Variants in EXOC4 observed in about 807,000 individuals in gnomAD.
EXOC4 encodes the protein exocyst complex component 4.
A neutral mutation model predicts 107.2 loss-of-function variants in EXOC4; 71 were observed. The ratio of observed to expected loss-of-function variants is 0.66; its 90% CI spans 0.55 to 0.81. The LOEUF is 0.81. EXOC4 is among the 30% of genes least tolerant of loss of function. EXOC4 has a pLI of 0.00. For synonymous variants in EXOC4, 456 were observed against 441.2 expected, an observed-to-expected ratio of 1.03 and a Z score of -0.42; for missense variants, 1,108 against 1,189.6, an observed-to-expected ratio of 0.93 and a Z score of 1.01.
At chr7:133,254,456 T>C (rs1794967053) in intron 1 of EXOC4, among the ~76,000 whole-genome samples, 1 of 152,194 alleles carries the variant, frequency 6.6e-6, no homozygotes, top group African/African-American at 2.4e-5. Context: ...CCAATAAGAA[T>C]GTTTGTTGTT....
chr7:133,498,023 G>A (rs575596369), intron 9 of EXOC4, among the ~76,000 whole-genome samples: 2 of 152,188 alleles, frequency 1.3e-5, no homozygotes, highest in Non-Finnish European at 2.9e-5. Flanking sequence ...AGCCCCCTGA[G>A]GAAAGCAGCA....
Position 133,997,477 on chromosome 7 carries a change from A to ATCCTTACCTTTCAGTGCTTTC in EXOC4, c.2207-10_2217dup, listed in dbSNP as rs754947067. 7.4e-6 allele frequency: 12 copies of ATCCTTACCTTTCAGTGCTTTC among 1,613,174 alleles called. No homozygotes were observed. The African/African-American group carries it at 1.3e-4, about 18-fold the overall frequency. ...CATCTAATGAAATGATTGGTGTTTT[A>ATCCTTACCTTTCAGTGCTTTC]TCCTTACCTTTCAGTGCTTTCTCCT... On this transcript the variant is annotated splice_polypyrimidine_tract_variant and intron_variant, in intron 14 of 17. Transcript: ENST00000253861.
chr7:133,799,572 G>A (rs1021971101), intron 10 of EXOC4, among the ~76,000 whole-genome samples: 4 of 152,110 alleles, frequency 2.6e-5, no homozygotes, highest in Admixed American at 2.6e-4. Flanking sequence ...AAATAATTTT[G>A]GATTCTCATG....
chr7:133,819,650 C>T (rs1039818160), intron 11 of EXOC4, among the ~76,000 whole-genome samples: 3 of 152,118 alleles, frequency 2.0e-5, no homozygotes, highest in African/African-American at 7.2e-5. Flanking sequence ...TATCATTAGC[C>T]TCATTTCCAT....
At chr7:133,740,663 A>T (rs538777783) in intron 10 of EXOC4, among the ~76,000 whole-genome samples, 1 of 152,282 alleles carries the variant, frequency 6.6e-6, no homozygotes, top group Non-Finnish European at 1.5e-5. Context: ...TGTCCTTCTA[A>T]TTAACACTAT....
intron 9 of EXOC4, among the ~76,000 whole-genome samples, chr7:133,600,511 A>G (rs1302995787): frequency 6.6e-6 from 1 of 152,158 alleles, no homozygotes; most frequent in Admixed American, 6.5e-5. Context: ...GGTGCAGTGT[A>G]CCCTCTATTA....
intron 10 of EXOC4, among the ~76,000 whole-genome samples, chr7:133,715,323 G>A (rs1039879576): frequency 3.9e-5 from 6 of 152,280 alleles, no homozygotes; most frequent in South Asian, 2.1e-4. Flanking sequence ...CCAGACTTCA[G>A]TGTTCTCATT....
chr7:134,017,246 A>G (rs1794930625), intron 17 of EXOC4, among the ~76,000 whole-genome samples: 1 of 151,472 alleles, frequency 6.6e-6, no homozygotes, highest in Non-Finnish European at 1.5e-5. Flanking sequence ...TTAATTTTGT[A>G]GAAGAGACTA....
intron 10 of EXOC4, among the ~76,000 whole-genome samples, chr7:133,662,616 T>TAAC (rs72191093): frequency 0.018 from 2,713 of 151,960 alleles, 87 homozygotes; most frequent in African/African-American, 0.061. Flanking sequence ...GAATGTTTTT[T>TAAC]AACAACAACA....
intron 10 of EXOC4, among the ~76,000 whole-genome samples, chr7:133,779,799 A>G (rs569059257): frequency 1.1e-3 from 160 of 152,314 alleles, no homozygotes; most frequent in Non-Finnish European, 1.9e-3. Context: ...TGGACCAATC[A>G]GCTCTCTGTA....
the EXOC4 span, among the ~76,000 whole-genome samples, chr7:134,098,644 C>T: frequency 9.2e-5 from 14 of 152,244 alleles, no homozygotes; most frequent in East Asian, 2.5e-3. Flanking sequence ...GTGAAGAAAT[C>T]CTCACAGCTA....
At chr7:133,500,350 T>C (rs1391618908) in intron 9 of EXOC4, among the ~76,000 whole-genome samples, 1 of 152,224 alleles carries the variant, frequency 6.6e-6, no homozygotes, top group Non-Finnish European at 1.5e-5. Context: ...TCATAATAGA[T>C]GAGCTTACAA....
chr7:133,553,299 A>G (rs1800626930), intron 9 of EXOC4, among the ~76,000 whole-genome samples: 1 of 152,138 alleles, frequency 6.6e-6, no homozygotes, highest in South Asian at 2.1e-4. Context: ...GCCATCTCAC[A>G]CTTGGATTGT....
chr7:133,806,535 A>T (rs1264959473), intron 10 of EXOC4, among the ~76,000 whole-genome samples: 2 of 152,204 alleles, frequency 1.3e-5, no homozygotes, highest in Admixed American at 1.3e-4. Flanking sequence ...TAGTAATATT[A>T]TGGTCCTCTC....
At position 133,604,708 on chromosome 7, in the gene EXOC4, TTC is replaced by T. The variant is rs1393218413; in HGVS notation, c.1418-25335_1418-25334del. 3.2e-3 allele frequency among the ~76,000 whole-genome samples: 365 copies of T among 113,090 alleles called. 20 individuals are homozygous for T. Among genetic ancestry groups the T allele is most frequent in the Non-Finnish European group, 3.9e-3 (228 of 58,276 alleles). The allele number at this position is 113,090 out of a possible 152,430, so 74.2% of individuals were successfully genotyped here. ...TTTCTTTCCTTCCTTCCTTCCTTCT[TTC>T]TTTTTTTTTTTTTTTTTTTTTTTTT... is the stretch of plus-strand genomic sequence containing the variant. On this transcript the variant is annotated intron_variant, in intron 9 of 17. Coordinates refer to ENST00000253861, the MANE Select transcript of EXOC4 (RefSeq NM_021807.4).
At chr7:133,572,626 T>C (rs1801047469) in intron 9 of EXOC4, among the ~76,000 whole-genome samples, 1 of 152,124 alleles carries the variant, frequency 6.6e-6, no homozygotes, top group Non-Finnish European at 1.5e-5. Flanking sequence ...AAAAAATACA[T>C]AAAAATAATT....
chr7:133,676,460 G>C (rs1794059881), intron 10 of EXOC4, among the ~76,000 whole-genome samples: 1 of 152,114 alleles, frequency 6.6e-6, no homozygotes, highest in Non-Finnish European at 1.5e-5. Context: ...CTCAAGTCTA[G>C]ACTGAATAGC....
chr7:133,593,160 G>A (rs1223541181), intron 9 of EXOC4, among the ~76,000 whole-genome samples: 1 of 152,180 alleles, frequency 6.6e-6, no homozygotes, highest in East Asian at 1.9e-4. Context: ...AGCAAAAGTG[G>A]TATGAACAGT....
At chr7:133,722,914 T>C (rs1041684170) in intron 10 of EXOC4, among the ~76,000 whole-genome samples, 11 of 152,360 alleles carry the variant, frequency 7.2e-5, no homozygotes, top group African/African-American at 2.6e-4. Context: ...ATTCTACTTG[T>C]GCATTTATTA....
Sources: gnomAD v4.1 joint callset for allele counts (sites outside exome capture counted in the v4.1 genomes callset) on GRCh38, gnomAD v4.1.1 for gene constraint, MANE v1.5 for transcripts, NCBI Gene and HGNC (gene_info 2026-07-23, HGNC 2026-07-21) for gene names.